HS6ST3: variants seen among roughly 807,000 people sequenced by gnomAD.
HS6ST3 encodes heparan sulfate 6-O-sulfotransferase 3.
A neutral mutation model predicts 36.7 loss-of-function variants in HS6ST3; 12 were observed. The ratio of observed to expected loss-of-function variants is 0.33; its 90% confidence interval spans 0.21 to 0.53. HS6ST3 has a LOEUF of 0.53. Among genes scored for constraint, HS6ST3 ranks in the 20% least tolerant of loss-of-function variants. The pLI, the probability that HS6ST3 is intolerant of heterozygous loss-of-function variation, is 0.95. For synonymous variants in HS6ST3, 240 were observed against 257.5 expected (o/e 0.93, Z 0.65); for missense variants, 584 against 640.9 (o/e 0.91, Z 0.96).
intron 1 of HS6ST3, among the ~76,000 whole-genome samples, chr13:96,459,499 G>T (rs1213346691): frequency 6.6e-6 from 1 of 152,132 alleles, no homozygotes; most frequent in Admixed American, 6.6e-5. Context: ...TGAGAATTTA[G>T]GCACAGTTCT....
intron 1 of HS6ST3, among the ~76,000 whole-genome samples, chr13:96,310,210 A>C (rs2054933421): frequency 6.6e-6 from 1 of 152,192 alleles, no homozygotes; most frequent in African/African-American, 2.4e-5. Context: ...TTTAAATATC[A>C]ACACATGCAT....
intron 1 of HS6ST3, among the ~76,000 whole-genome samples, chr13:96,233,410 G>A (rs1346300283): frequency 6.6e-6 from 1 of 152,148 alleles, no homozygotes; most frequent in Non-Finnish European, 1.5e-5. Flanking sequence ...ACCATTGAAA[G>A]CAATAGCCAG....
chr13:96,103,115 A>G (rs1411640016), intron 1 of HS6ST3, among the ~76,000 whole-genome samples: 1 of 152,294 alleles, frequency 6.6e-6, no homozygotes, highest in South Asian at 2.1e-4. Flanking sequence ...TGCCCTGAAA[A>G]TGATGGTTAT....
intron 1 of HS6ST3, among the ~76,000 whole-genome samples, chr13:96,656,692 T>A (rs2139016228): frequency 6.6e-6 from 1 of 150,592 alleles, no homozygotes; most frequent in Non-Finnish European, 1.5e-5. Context: ...GAGGAAGGAG[T>A]CGCAAAAACG....
chr13:96,629,601 A>G (rs79212786), intron 1 of HS6ST3, among the ~76,000 whole-genome samples: 1 of 152,152 alleles, frequency 6.6e-6, no homozygotes, highest in African/African-American at 2.4e-5. Context: ...ATCAGTCATC[A>G]GTGTTAATTG....
intron 1 of HS6ST3, among the ~76,000 whole-genome samples, chr13:96,705,117 C>T (rs1219096021): frequency 4.6e-5 from 7 of 152,150 alleles, no homozygotes; most frequent in Non-Finnish European, 1.0e-4. Flanking sequence ...TGAGCCTACA[C>T]TGACACATTG....
intron 1 of HS6ST3, among the ~76,000 whole-genome samples, chr13:96,341,251 A>T (rs890816611): frequency 2.0e-5 from 3 of 151,862 alleles, no homozygotes; most frequent in Admixed American, 2.0e-4. Context: ...TCCAATTTTT[A>T]AAAAATATGT....
chr13:96,238,502 G>A (rs1443318472), intron 1 of HS6ST3, among the ~76,000 whole-genome samples: 1 of 152,204 alleles, frequency 6.6e-6, no homozygotes, highest in Non-Finnish European at 1.5e-5. Flanking sequence ...TTTTGCAAAT[G>A]CGACCTCATT....
chr13:96,467,343 G>C (rs988747473), intron 1 of HS6ST3, among the ~76,000 whole-genome samples: 1 of 152,164 alleles, frequency 6.6e-6, no homozygotes, highest in South Asian at 2.1e-4. Flanking sequence ...GCTTAAATCT[G>C]TCCTGAGTCC....
intron 1 of HS6ST3, among the ~76,000 whole-genome samples, chr13:96,225,563 A>G (rs922828982): frequency 6.6e-6 from 1 of 152,340 alleles, no homozygotes; most frequent in East Asian, 1.9e-4. Flanking sequence ...GTACTAGAAA[A>G]GGGAAGCAAT....
intron 1 of HS6ST3, among the ~76,000 whole-genome samples, chr13:96,454,516 T>C (rs1187803926): frequency 2.6e-5 from 4 of 152,218 alleles, no homozygotes; most frequent in Admixed American, 2.6e-4. Flanking sequence ...ACTAACTATA[T>C]GTCAGATCAA....
chr13:96,563,326 AC>A (rs2056269471), intron 1 of HS6ST3, among the ~76,000 whole-genome samples: 2 of 152,220 alleles, frequency 1.3e-5, no homozygotes, highest in South Asian at 2.1e-4. Flanking sequence ...AAGAAATCAA[AC>A]CCCAGGTATC....
chr13:96,565,697 A>C (rs892725282), intron 1 of HS6ST3, among the ~76,000 whole-genome samples: 6 of 152,114 alleles, frequency 3.9e-5, no homozygotes, highest in Admixed American at 1.3e-4. Flanking sequence ...CAAAGGAGAG[A>C]CTTTAAGGTT....
At chr13:96,777,680 A>C (rs1281457491) in intron 1 of HS6ST3, among the ~76,000 whole-genome samples, 1 of 152,220 alleles carries the variant, frequency 6.6e-6, no homozygotes, top group Non-Finnish European at 1.5e-5. Flanking sequence ...GGAAGGACAC[A>C]AACAAATGGA....
chr13:96,232,126 A>T (rs551781326), intron 1 of HS6ST3, among the ~76,000 whole-genome samples: 88 of 152,314 alleles, frequency 5.8e-4, no homozygotes, highest in African/African-American at 2.0e-3. Flanking sequence ...AAGGTGCAAG[A>T]GTGAGAAAAC....
At chr13:96,818,165 C>T (rs1878461234) in intron 1 of HS6ST3, among the ~76,000 whole-genome samples, 1 of 152,150 alleles carries the variant, frequency 6.6e-6, no homozygotes, top group Non-Finnish European at 1.5e-5. Context: ...AGAGAACACC[C>T]AAGGCAAAGT....
chr13:96,598,411 A>T (rs1043627203), intron 1 of HS6ST3, among the ~76,000 whole-genome samples: 1 of 151,786 alleles, frequency 6.6e-6, no homozygotes, highest in Non-Finnish European at 1.5e-5. Flanking sequence ...ATATTCCTAG[A>T]TATTTTATTT....
At chr13:96,622,440 A>G (rs1224087079) in intron 1 of HS6ST3, among the ~76,000 whole-genome samples, 1 of 152,076 alleles carries the variant, frequency 6.6e-6, no homozygotes, top group Non-Finnish European at 1.5e-5. Context: ...TCTCAGTCTG[A>G]CTAATTTTTA....
chr13:96,359,072 C>T (rs530691929), intron 1 of HS6ST3, among the ~76,000 whole-genome samples: 26 of 152,204 alleles, frequency 1.7e-4, no homozygotes, highest in African/African-American at 6.0e-4. Context: ...TACACTCTTT[C>T]CAGTGGATGC....
Sources: gnomAD v4.1 joint callset for allele counts (sites outside exome capture counted in the v4.1 genomes callset) on GRCh38, gnomAD v4.1.1 for gene constraint, MANE v1.5 for transcripts, NCBI Gene and HGNC (gene_info 2026-07-23, HGNC 2026-07-21) for gene names.